Variants in GABRR3 observed in about 807,000 individuals in gnomAD.
GABRR3 encodes gamma-aminobutyric acid receptor subunit rho-3.
In GABRR3, 29 loss-of-function variants were observed where a neutral mutation model predicts 43.2. The ratio of observed to expected loss-of-function variants is 0.67; its 90% CI spans 0.50 to 0.92. The LOEUF (loss-of-function observed/expected upper bound fraction) is 0.92, where lower values mean the gene tolerates loss of function less well. Among genes scored for constraint, GABRR3 ranks in the 40% least tolerant of loss-of-function variants. GABRR3 has a pLI of 0.00. For missense variants in GABRR3, 576 were observed against 572.3 expected (o/e 1.01, Z -0.07); for synonymous variants, 206 against 195.9 (o/e 1.05, Z -0.43).
At position 97,993,052 on chromosome 3, in the gene GABRR3, C is replaced by A. The variant is rs1237467914; in HGVS notation, c.908-4G>T. 1 of 1,582,832 alleles carries A rather than the reference C, an allele frequency of 6.3e-7. No homozygotes were observed. The stretch of plus-strand genomic sequence containing the variant: ...ATGGTCAGCACTGTGGTGATTCCTG[C>A]CATTTGAGAATAGTGGCAAGCTCAG... On this transcript the variant is annotated splice_region_variant and splice_polypyrimidine_tract_variant and intron_variant, in intron 8 of 9. Coordinates refer to ENST00000621172, the Ensembl canonical transcript of GABRR3.
chr3:98,021,052 A>T, intron 3 of GABRR3, among the ~76,000 whole-genome samples: 1 of 150,464 alleles, frequency 6.6e-6, no homozygotes, highest in African/African-American at 2.4e-5. Context: ...TTTAGTAGAG[A>T]CTGGGTTTCA....
At position 98,024,308 on chromosome 3, in the gene GABRR3, G is replaced by A. The variant is rs936499160; in HGVS notation, c.238+1259C>T. On this transcript the variant is annotated intron_variant, in intron 3 of 9. Transcript: ENST00000621172. ...TGGGAAGTGGAGGATGCAGTGAGCC[G>A]AGATCGCGCCACTGCATGCCAGCAA... 4.1e-5 allele frequency among the ~76,000 whole-genome samples: 6 copies of A among 144,880 alleles called. No individual in the cohort carries two copies. The East Asian group carries it at 6.1e-4, about 15-fold the overall frequency.
intron 8 of GABRR3, 124 bp downstream of exon 8, chr3:98,001,491 G>T: frequency 1.0e-6 from 1 of 994,296 alleles, no homozygotes; most frequent in Non-Finnish European, 1.5e-6. Context: ...CAACCTGGAT[G>T]TTCATCTCTG....
chr3:98,029,894 T>C (rs554434181), intron 2 of GABRR3, among the ~76,000 whole-genome samples: 65 of 152,066 alleles, frequency 4.3e-4, no homozygotes, highest in African/African-American at 1.5e-3. Context: ...GGCGGGCGGA[T>C]CACTTGAGGT....
exon 9 of GABRR3, chr3:97,992,954 C>T (rs753153425): frequency 6.2e-7 from 1 of 1,613,654 alleles, no homozygotes; most frequent in East Asian, 2.2e-5. Context: ...AGCTGACCCA[C>T]AGGTACACAT....
At chr3:97,985,564 G>A (rs1172823043), downstream of GABRR3, among the ~76,000 whole-genome samples, 6 of 152,222 alleles carry the variant, frequency 3.9e-5, no homozygotes, top group African/African-American at 1.4e-4. Context: ...TGCTCCTGTT[G>A]GCTATGCACT....
intron 7 of GABRR3, among the ~76,000 whole-genome samples, chr3:98,005,129 A>G (rs916232128): frequency 1.3e-5 from 2 of 151,866 alleles, no homozygotes; most frequent in African/African-American, 2.4e-5. Context: ...AAAAATGGGT[A>G]TATTGTAACA....
At chr3:97,992,324 A>C (rs924841629) in intron 9 of GABRR3, among the ~76,000 whole-genome samples, 2 of 152,148 alleles carry the variant, frequency 1.3e-5, no homozygotes, top group African/African-American at 4.8e-5. Context: ...CAGCCTTTGA[A>C]GTTAAGGAGA....
chr3:98,007,246 G>A (rs1334078262), intron 7 of GABRR3, among the ~76,000 whole-genome samples: 1 of 152,078 alleles, frequency 6.6e-6, no homozygotes, highest in Non-Finnish European at 1.5e-5. Flanking sequence ...TGAAATGAGG[G>A]AGAAGGGCAT....
chr3:98,031,473 G>T (rs1168561128), intron 2 of GABRR3, among the ~76,000 whole-genome samples: 1 of 152,144 alleles, frequency 6.6e-6, no homozygotes, highest in Non-Finnish European at 1.5e-5. Flanking sequence ...CTGTGGGCAC[G>T]GTGGCTCATG....
chr3:98,019,267 G>A (rs566855819), intron 3 of GABRR3, among the ~76,000 whole-genome samples: 9 of 152,164 alleles, frequency 5.9e-5, no homozygotes, highest in East Asian at 1.9e-4. Flanking sequence ...TGGGACAGGC[G>A]TGCCTATAAT....
downstream of GABRR3, among the ~76,000 whole-genome samples, chr3:97,985,838 C>T (rs976984171): frequency 9.4e-5 from 10 of 106,262 alleles, no homozygotes; most frequent in Non-Finnish European, 1.7e-4. Flanking sequence ...ATACATGAAA[C>T]AATATTTTAT....
At position 98,031,100 on chromosome 3, in the gene GABRR3, C is replaced by A. The variant is rs146809073; in HGVS notation, c.125+3763G>T. ...TGATTGAACTCCTAACTTCTGAACT[C>A]TGGAAATACATACCTGACTTTTTCA... On this transcript the variant is annotated intron_variant, in intron 2 of 9. Coordinates refer to ENST00000621172, the Ensembl canonical transcript of GABRR3. Among the ~76,000 whole-genome samples, 21 of 152,246 alleles carry A rather than the reference C, an allele frequency of 1.4e-4. No individual in the cohort carries two copies. In the East Asian group the frequency reaches 3.9e-3, roughly 28 times the overall value.
chr3:97,995,206 A>G (rs1450501065), intron 8 of GABRR3, among the ~76,000 whole-genome samples: 1 of 152,018 alleles, frequency 6.6e-6, no homozygotes, highest in East Asian at 1.9e-4. Context: ...CAAAATCCCA[A>G]CCTCAGGTGA....
intron 2 of GABRR3, among the ~76,000 whole-genome samples, chr3:98,033,353 A>G (rs6769842): frequency 0.78 from 118,673 of 152,164 alleles, 46,971 homozygotes; most frequent in East Asian, 0.99. Context: ...CTGCTTTTGC[A>G]TAGGCTCTAA....
At chr3:98,002,594 T>C (rs1706665050) in intron 7 of GABRR3, among the ~76,000 whole-genome samples, 1 of 152,178 alleles carries the variant, frequency 6.6e-6, no homozygotes, top group Non-Finnish European at 1.5e-5. Flanking sequence ...TTTTTTCTCA[T>C]ACATTTCTAA....
chr3:98,003,488 G>T (rs940879566), intron 7 of GABRR3, among the ~76,000 whole-genome samples: 1 of 150,176 alleles, frequency 6.7e-6, no homozygotes, highest in South Asian at 2.1e-4. Flanking sequence ...TCTGTCTTGT[G>T]GTTTTAGACT....
chr3:98,033,580 A>G (rs1707117846), intron 2 of GABRR3, among the ~76,000 whole-genome samples: 1 of 152,260 alleles, frequency 6.6e-6, no homozygotes, highest in Middle Eastern at 3.4e-3. Flanking sequence ...TCATCTAAAC[A>G]TCCACCAGAC....
intron 7 of GABRR3, among the ~76,000 whole-genome samples, chr3:98,003,008 C>A (rs1351818328): frequency 6.6e-6 from 1 of 152,146 alleles, no homozygotes; most frequent in Non-Finnish European, 1.5e-5. Flanking sequence ...TTATCTTTTT[C>A]TTCCTTACCT....
Sources: gnomAD v4.1 joint callset for allele counts (sites outside exome capture counted in the v4.1 genomes callset) on GRCh38, gnomAD v4.1.1 for gene constraint, MANE v1.5 for transcripts, NCBI Gene and HGNC (gene_info 2026-07-23, HGNC 2026-07-21) for gene names.